Variants in NCKAP5 observed in about 807,000 individuals in gnomAD.
The protein encoded by NCKAP5 is nck-associated protein 5.
In NCKAP5, 92 loss-of-function variants were observed where a neutral mutation model predicts 167.0. The ratio of observed to expected loss-of-function variants is 0.55; its 90% confidence interval spans 0.47 to 0.66. The LOEUF (loss-of-function observed/expected upper bound fraction) is 0.66. Among genes scored for constraint, NCKAP5 ranks in the 30% least tolerant of loss-of-function variants. NCKAP5 has a pLI of 0.00. For missense variants in NCKAP5, 2,378 were observed against 2,315.0 expected, an observed-to-expected ratio of 1.03 and a Z score of -0.56; for synonymous variants, 891 against 877.4, an observed-to-expected ratio of 1.02 and a Z score of -0.27.
chr2:133,153,202 G>A (rs1286522217), intron 5 of NCKAP5, among the ~76,000 whole-genome samples: 1 of 152,152 alleles, frequency 6.6e-6, no homozygotes, highest in Non-Finnish European at 1.5e-5. Context: ...CTATAATGCT[G>A]TATATATGAC....
chr2:132,709,153 C>T (rs6748804), intron 19 of NCKAP5, among the ~76,000 whole-genome samples: 16,088 of 143,406 alleles, frequency 0.11, 949 homozygotes, highest in African/African-American at 0.18. Flanking sequence ...CTACACCCCC[C>T]CACCAAACCA....
intron 19 of NCKAP5, among the ~76,000 whole-genome samples, chr2:132,703,651 T>C (rs971672927): frequency 3.3e-5 from 5 of 152,162 alleles, no homozygotes; most frequent in Non-Finnish European, 5.9e-5. Flanking sequence ...GAGGAGAGCA[T>C]TGAGATGGCA....
intron 4 of NCKAP5, among the ~76,000 whole-genome samples, chr2:133,297,826 T>C (rs1332797278): frequency 1.3e-5 from 2 of 152,190 alleles, no homozygotes; most frequent in Non-Finnish European, 2.9e-5. Context: ...CAGTTAACAT[T>C]AGCAGCAATG....
intron 2 of NCKAP5, among the ~76,000 whole-genome samples, chr2:133,529,749 G>T (rs1685209416): frequency 6.6e-6 from 1 of 152,144 alleles, no homozygotes; most frequent in South Asian, 2.1e-4. Context: ...TAAAATAAGT[G>T]ACTTCATTGT....
chr2:133,137,451 T>TGTGTGTGTGTG (rs1559179692), intron 5 of NCKAP5, among the ~76,000 whole-genome samples: 26 of 141,666 alleles, frequency 1.8e-4, no homozygotes, highest in South Asian at 4.6e-4. Context: ...TGTGTGTGTG[T>TGTGTGTGTGTG]TTTGGAAAAG....
chr2:132,673,819 G>A (rs1480594996), intron 19 of NCKAP5, among the ~76,000 whole-genome samples: 2 of 151,956 alleles, frequency 1.3e-5, no homozygotes, highest in Non-Finnish European at 1.5e-5. Flanking sequence ...TAGGACTTAA[G>A]ATATTTGAAA....
At chr2:133,160,439 CTT>C (rs796129741) in intron 5 of NCKAP5, among the ~76,000 whole-genome samples, 3 of 49,782 alleles carry the variant, frequency 6.0e-5, no homozygotes, top group Non-Finnish European at 8.4e-5. Context: ...CTTTCTTTTT[CTT>C]TTTTTTTTTT....
intron 3 of NCKAP5, among the ~76,000 whole-genome samples, chr2:133,311,918 G>A (rs972660500): frequency 6.6e-6 from 1 of 152,114 alleles, no homozygotes; most frequent in Non-Finnish European, 1.5e-5. Context: ...ATTGGTACTA[G>A]CCAGAAATGA....
chr2:133,303,201 G>T, intron 3 of NCKAP5, 91 bp from the exon 4 acceptor site: 1 of 838,030 alleles, frequency 1.2e-6, no homozygotes, highest in Non-Finnish European at 2.0e-6. Flanking sequence ...GAGTATTTTT[G>T]ACAACATTAT....
intron 16 of NCKAP5, among the ~76,000 whole-genome samples, chr2:132,744,430 G>A (rs890481912): frequency 6.6e-6 from 1 of 151,530 alleles, no homozygotes; most frequent in African/African-American, 2.4e-5. Context: ...AATTTCCTGT[G>A]TATTAAATGG....
At chr2:133,300,676 T>C (rs1198995809) in intron 4 of NCKAP5, among the ~76,000 whole-genome samples, 3 of 117,564 alleles carry the variant, frequency 2.6e-5, no homozygotes, top group Non-Finnish European at 5.2e-5. Context: ...AATATCATAC[T>C]GAATGGGCAA....
chr2:133,245,259 C>T (rs1209812923), intron 4 of NCKAP5, among the ~76,000 whole-genome samples: 1 of 152,036 alleles, frequency 6.6e-6, no homozygotes, highest in East Asian at 1.9e-4. Context: ...ATAAATCATG[C>T]TATATTCATT....
intron 19 of NCKAP5, among the ~76,000 whole-genome samples, chr2:132,712,917 T>C (rs1283336411): frequency 2.0e-5 from 3 of 152,110 alleles, no homozygotes; most frequent in African/African-American, 7.2e-5. Flanking sequence ...CTGCTGGGAA[T>C]TGATTCCATA....
the NCKAP5 span, among the ~76,000 whole-genome samples, chr2:133,617,002 G>A: frequency 2.0e-5 from 3 of 152,180 alleles, no homozygotes; most frequent in East Asian, 1.9e-4. Flanking sequence ...TTCAATATAC[G>A]GAAATCAATA....
chr2:133,295,900 A>C (rs1679925654), intron 4 of NCKAP5, among the ~76,000 whole-genome samples: 1 of 152,188 alleles, frequency 6.6e-6, no homozygotes. Flanking sequence ...CCTATTACTC[A>C]TTCTTCATTA....
chr2:133,450,132 C>T (rs181618514), intron 3 of NCKAP5, among the ~76,000 whole-genome samples: 2 of 143,882 alleles, frequency 1.4e-5, no homozygotes, highest in Non-Finnish European at 2.9e-5. Flanking sequence ...CACGCACACA[C>T]ACGCGCGTGC....
the NCKAP5 span, among the ~76,000 whole-genome samples, chr2:133,641,725 T>C: frequency 1.3e-5 from 2 of 152,216 alleles, no homozygotes; most frequent in African/African-American, 4.8e-5. Context: ...AGGGAACCCC[T>C]GTGCCTCAGC....
the NCKAP5 span, among the ~76,000 whole-genome samples, chr2:133,674,464 A>G: frequency 6.6e-6 from 1 of 152,114 alleles, no homozygotes; most frequent in Admixed American, 6.5e-5. Flanking sequence ...CTGGAAAGGC[A>G]CTCGCAGACA....
chr2:133,429,138 T>C (rs553630868), intron 3 of NCKAP5, among the ~76,000 whole-genome samples: 2 of 152,266 alleles, frequency 1.3e-5, no homozygotes, highest in African/African-American at 4.8e-5. Context: ...GCAGAAATTA[T>C]GCCATGTGGA....
Sources: allele counts gnomAD v4.1 joint callset (sites outside exome capture counted in the v4.1 genomes callset), GRCh38; gene constraint gnomAD v4.1.1; transcripts MANE v1.5; gene names NCBI Gene and HGNC (gene_info 2026-07-23, HGNC 2026-07-21).